Variants in DPYD observed in about 807,000 individuals in gnomAD.
DPYD encodes the protein dihydropyrimidine dehydrogenase.
Under a neutral mutation model 116.2 loss-of-function variants are expected in DPYD, and 109 were observed. The ratio of observed to expected loss-of-function variants is 0.94; its 90% CI spans 0.80 to 1.10. DPYD has a LOEUF of 1.10. Ranked by LOEUF, DPYD falls within the 50% of genes least tolerant of loss-of-function variation. The probability of loss-of-function intolerance (pLI) is 0.00; values close to 1 mark genes in which losing one functional copy is unlikely to be tolerated. For missense variants in DPYD, 1,302 were observed against 1,254.5 expected (o/e 1.04, Z -0.57); for synonymous variants, 440 against 432.0 (o/e 1.02, Z -0.23).
intron 18 of DPYD, among the ~76,000 whole-genome samples, chr1:97,274,725 T>C (rs1664826858): frequency 2.0e-5 from 3 of 152,132 alleles, no homozygotes; most frequent in Non-Finnish European, 1.5e-5. Flanking sequence ...GCAATTACTT[T>C]TGCACCAACA....
At chr1:97,114,020 T>C (rs552426559) in intron 20 of DPYD, among the ~76,000 whole-genome samples, 1 of 152,236 alleles carries the variant, frequency 6.6e-6, no homozygotes, top group Non-Finnish European at 1.5e-5. Flanking sequence ...TCATTACTCC[T>C]AGGGCGATGC....
intron 13 of DPYD, among the ~76,000 whole-genome samples, chr1:97,471,037 GTAA>G (rs1233073151): frequency 6.6e-6 from 1 of 152,096 alleles, no homozygotes; most frequent in Non-Finnish European, 1.5e-5. Context: ...GCTTGATCTG[GTAA>G]TGGGAAAGGA....
At chr1:97,828,459 A>G (rs1277790315) in intron 2 of DPYD, among the ~76,000 whole-genome samples, 1 of 152,214 alleles carries the variant, frequency 6.6e-6, no homozygotes, top group African/African-American at 2.4e-5. Flanking sequence ...CAAAGTGGAT[A>G]AACAGAAGAA....
intron 2 of DPYD, among the ~76,000 whole-genome samples, chr1:97,876,779 T>C (rs745969496): frequency 5.9e-5 from 9 of 151,990 alleles, no homozygotes; most frequent in Non-Finnish European, 1.2e-4. Flanking sequence ...CTTTTGGACT[T>C]AGAATTTTAG....
At chr1:97,138,628 C>CAA (rs76208521) in intron 20 of DPYD, among the ~76,000 whole-genome samples, 105 of 151,968 alleles carry the variant, frequency 6.9e-4, no homozygotes, top group Middle Eastern at 6.8e-3. Context: ...ATTTTTCTCG[C>CAA]AAAAAATGTT....
intron 1 of DPYD, among the ~76,000 whole-genome samples, chr1:97,909,652 T>C (rs1673826003): frequency 6.6e-6 from 1 of 152,060 alleles, no homozygotes; most frequent in South Asian, 2.1e-4. Context: ...GAAAGTTGAC[T>C]ATATACACAT....
At chr1:97,362,766 C>G (rs544280291) in intron 16 of DPYD, among the ~76,000 whole-genome samples, 117 of 152,312 alleles carry the variant, frequency 7.7e-4, no homozygotes, top group African/African-American at 2.7e-3. Flanking sequence ...GAAGCTGAAA[C>G]TGGATCCCTT....
At chr1:97,216,647 T>A (rs1221156346) in intron 19 of DPYD, among the ~76,000 whole-genome samples, 7 of 150,786 alleles carry the variant, frequency 4.6e-5, no homozygotes, top group Admixed American at 4.6e-4. Flanking sequence ...ACAAAAATTA[T>A]AGCCAGATGT....
At chr1:97,761,919 ACTACAT>A (rs147111564) in intron 3 of DPYD, among the ~76,000 whole-genome samples, 3,167 of 152,240 alleles carry the variant, frequency 0.021, 46 homozygotes, top group Non-Finnish European at 0.033. Flanking sequence ...AAAATCAAAT[ACTACAT>A]GCTATCACTT....
At chr1:97,173,313 C>CACATATAT (rs1656940488) in intron 20 of DPYD, among the ~76,000 whole-genome samples, 1 of 117,430 alleles carries the variant, frequency 8.5e-6, no homozygotes, top group African/African-American at 3.2e-5. Context: ...CATATATATG[C>CACATATAT]ACACATATAT....
chr1:97,081,757 G>A (rs1649173578), intron 22 of DPYD, among the ~76,000 whole-genome samples: 1 of 142,888 alleles, frequency 7.0e-6, no homozygotes. Flanking sequence ...ATGCTCTGCT[G>A]AGGACTGAGG....
At chr1:97,136,478 ATG>A (rs1473043591) in intron 20 of DPYD, among the ~76,000 whole-genome samples, 4 of 152,080 alleles carry the variant, frequency 2.6e-5, no homozygotes, top group African/African-American at 9.7e-5. Context: ...ATGTATACAC[ATG>A]TGTGTGTTTT....
intron 3 of DPYD, among the ~76,000 whole-genome samples, chr1:97,799,529 T>A (rs1667748423): frequency 6.6e-6 from 1 of 151,990 alleles, no homozygotes; most frequent in Admixed American, 6.6e-5. Flanking sequence ...GTACAAATTA[T>A]GTGATCTATC....
chr1:97,615,886 T>C (rs1656237483), intron 8 of DPYD, among the ~76,000 whole-genome samples: 1 of 152,094 alleles, frequency 6.6e-6, no homozygotes, highest in Non-Finnish European at 1.5e-5. Context: ...AATACAACAT[T>C]CCCCTTCATT....
intron 16 of DPYD, among the ~76,000 whole-genome samples, chr1:97,343,615 C>T (rs558087394): frequency 6.6e-6 from 1 of 152,072 alleles, no homozygotes; most frequent in East Asian, 1.9e-4. Context: ...CATGATTAAA[C>T]AATATTTCAA....
chr1:97,886,405 C>G (rs6684683), intron 1 of DPYD, among the ~76,000 whole-genome samples: 1,959 of 152,160 alleles, frequency 0.013, 43 homozygotes, highest in African/African-American at 0.045. Context: ...ATCCAGCCCC[C>G]ACTCATAGAG....
chr1:97,415,623 T>C (rs1370721205), intron 14 of DPYD, among the ~76,000 whole-genome samples: 2 of 152,158 alleles, frequency 1.3e-5, no homozygotes, highest in Non-Finnish European at 2.9e-5. Context: ...TGCCTGGCCT[T>C]CATTTACAAT....
intron 12 of DPYD, among the ~76,000 whole-genome samples, chr1:97,534,997 T>G (rs1426910057): frequency 6.6e-6 from 1 of 152,102 alleles, no homozygotes; most frequent in Admixed American, 6.6e-5. Context: ...GTTAAGTCCT[T>G]GAGCTGGGAA....
At chr1:97,280,796 G>C (rs1049278541) in intron 18 of DPYD, among the ~76,000 whole-genome samples, 2 of 152,054 alleles carry the variant, frequency 1.3e-5, no homozygotes, top group African/African-American at 4.8e-5. Context: ...GTTATAGTTA[G>C]GAAGAAACAT....
Sources: gnomAD v4.1 joint callset for allele counts (sites outside exome capture counted in the v4.1 genomes callset) on GRCh38, gnomAD v4.1.1 for gene constraint, MANE v1.5 for transcripts, NCBI Gene and HGNC (gene_info 2026-07-23, HGNC 2026-07-21) for gene names.